The following NBAS variants were observed in gnomAD, a reference collection of about 807,000 sequenced individuals.
The protein encoded by NBAS is NAG/BC035112 fusion.
NBAS carries 219 observed loss-of-function variants against 302.5 expected under a neutral mutation model. The ratio of observed to expected loss-of-function variants is 0.72; its 90% CI spans 0.65 to 0.81. NBAS has a LOEUF of 0.81. Among genes scored for constraint, NBAS ranks in the 30% least tolerant of loss-of-function variants. The pLI is 0.00. For missense variants in NBAS, 2,932 were observed against 2,841.6 expected (o/e 1.03, Z -0.72); for synonymous variants, 1,118 against 1,021.6 (o/e 1.09, Z -1.80).
chr2:15,009,603 TACACAC>T, the NBAS span, among the ~76,000 whole-genome samples: 33,231 of 129,976 alleles, frequency 0.26, 4,930 homozygotes, highest in Non-Finnish European at 0.37. Flanking sequence ...TGCAACATCA[TACACAC>T]ACACACACAC....
intron 12 of NBAS, among the ~76,000 whole-genome samples, chr2:15,483,106 A>G (rs1680496673): frequency 6.6e-6 from 1 of 152,210 alleles, no homozygotes; most frequent in Non-Finnish European, 1.5e-5. Context: ...TTTTACCACT[A>G]AAATCTAAAT....
chr2:15,014,972 A>T, the NBAS span, among the ~76,000 whole-genome samples: 1 of 151,964 alleles, frequency 6.6e-6, no homozygotes, highest in Admixed American at 6.6e-5. Context: ...TACCACAGAA[A>T]TAGAAAGGAC....
chr2:14,827,617 CT>C, the NBAS span, among the ~76,000 whole-genome samples: 3 of 152,100 alleles, frequency 2.0e-5, no homozygotes, highest in Non-Finnish European at 2.9e-5. Context: ...ATTATTCAGC[CT>C]TAAAAAGAAG....
chr2:15,246,132 G>C (rs1019712415), intron 44 of NBAS, among the ~76,000 whole-genome samples: 13 of 152,146 alleles, frequency 8.5e-5, no homozygotes, highest in Non-Finnish European at 1.9e-4. Context: ...TGTCTCCTTA[G>C]ATTCCCATTT....
In NBAS at chr2:15,238,469, T is replaced by C. The variant is rs1667706830; in HGVS notation, c.5942A>G (p.Gln1981Arg). The C allele has an allele frequency of 3.7e-6, 6 of 1,613,926 alleles. No homozygotes were observed. Among genetic ancestry groups the C allele is most frequent in the East Asian group, 4.5e-5 (2 of 44,874 alleles). Reference protein sequence around the residue: ...SFILSLKNSEQETLQKYSHLY... With the variant: ...SFILSLKNSERETLQKYSHLY... ...ATATAGAAGTTCCCATTTCTTTACC[T>C]GCTCACTATTCTTCAGAGAAAGGAT... Residue 1981 changes from glutamine (Q) to arginine (R), a missense_variant and splice_region_variant, in exon 45 of 52, where the codon CAG (glutamine) becomes CGG (arginine). By Grantham distance (43) the Gln-to-Arg change is conservative (BLOSUM62 1). Transcript: ENST00000281513.
At chr2:15,534,823 A>G (rs1282000138) in intron 8 of NBAS, among the ~76,000 whole-genome samples, 182 bp from the exon 9 acceptor site, 1 of 152,226 alleles carries the variant, frequency 6.6e-6, no homozygotes, top group Non-Finnish European at 1.5e-5. Flanking sequence ...CTTGGTAAAA[A>G]GTGTAGTTTT....
intron 28 of NBAS, among the ~76,000 whole-genome samples, chr2:15,384,300 A>T (rs1180184196): frequency 1.3e-5 from 2 of 152,206 alleles, no homozygotes; most frequent in African/African-American, 4.8e-5. Context: ...TGAGCAAGTC[A>T]TTTAATATTC....
In NBAS at chr2:15,330,647, C is replaced by A; in HGVS notation, c.4298G>T (p.Ser1433Ile). The A allele has an allele frequency of 6.2e-7, 1 of 1,614,070 alleles. No individual in the cohort carries two copies. Among genetic ancestry groups the A allele is most frequent in the Non-Finnish European group, 8.5e-7 (1 of 1,179,956 alleles). ...TTTKAVLQAVSDGQWWKKSLT... is the reference protein window; with the variant it reads ...TTTKAVLQAVIDGQWWKKSLT... The stretch of plus-strand genomic sequence containing the variant: ...AGACTTCTTCCACCACTGCCCATCA[C>A]TGACGGCCTGCAGCACCGCTTTGGT... The change falls in exon 36 of 52, where the codon AGT becomes ATT. Residue 1433 changes from serine (S) to isoleucine (I), a missense_variant. Ser to Ile is a moderately radical substitution (Grantham distance 142). Transcript: ENST00000281513.
At chr2:15,493,944 G>C (rs1408372246) in intron 11 of NBAS, among the ~76,000 whole-genome samples, 1 of 150,398 alleles carries the variant, frequency 6.6e-6, no homozygotes, top group Non-Finnish European at 1.5e-5. Flanking sequence ...TCCTGCCTCA[G>C]CCTCCCACGT....
chr2:15,368,441 G>A (rs557413645), intron 31 of NBAS, among the ~76,000 whole-genome samples: 7 of 151,964 alleles, frequency 4.6e-5, no homozygotes, highest in South Asian at 2.1e-4. Flanking sequence ...CTTGTGATCC[G>A]CCCTCCTCGA....
intron 35 of NBAS, among the ~76,000 whole-genome samples, chr2:15,337,899 T>C (rs1030555250): frequency 2.6e-5 from 4 of 152,212 alleles, no homozygotes; most frequent in African/African-American, 4.8e-5. Flanking sequence ...TTTATATTCA[T>C]AGTGGCACAC....
chr2:15,251,813 T>C lies in NBAS; in HGVS notation c.5725-13127A>G, dbSNP rs535175634. 1.2e-4 allele frequency among the ~76,000 whole-genome samples: 18 copies of C among 152,282 alleles called. No homozygotes were observed. In the South Asian group the frequency reaches 2.9e-3, roughly 25 times the overall value. On this transcript the variant is annotated intron_variant, in intron 44 of 51. Transcript: ENST00000281513. ...AGCAAGGTCTTTATGATGTGTATCT[T>C]GTGCCGACTTCCTGTCTCATCCTAT...
At chr2:15,045,528 T>TA in the NBAS span, among the ~76,000 whole-genome samples, 1 of 152,164 alleles carries the variant, frequency 6.6e-6, no homozygotes, top group Admixed American at 6.5e-5. Flanking sequence ...TTTTTTAATT[T>TA]AAAAAAATGT....
chr2:15,338,960 T>C lies in NBAS; in HGVS notation c.4180-8195A>G, dbSNP rs191566736. Among the ~76,000 whole-genome samples, 11 of 152,078 alleles carry C rather than the reference T, an allele frequency of 7.2e-5. No homozygotes were observed. In the East Asian group the frequency reaches 1.7e-3, roughly 24 times the overall value. The stretch of plus-strand genomic sequence containing the variant: ...CCCCGGAGTTCAATGATGCAGTGAG[T>C]TGTAACTGCACCACACTGCACTCCA... On this transcript the variant is annotated intron_variant, in intron 35 of 51. Coordinates refer to ENST00000281513, the MANE Select transcript of NBAS (RefSeq NM_015909.4).
At chr2:14,849,532 C>T in the NBAS span, among the ~76,000 whole-genome samples, 1 of 151,574 alleles carries the variant, frequency 6.6e-6, no homozygotes, top group Non-Finnish European at 1.5e-5. Context: ...GAGAACTTCC[C>T]CAACCTAGCA....
At chr2:15,115,216 G>C in the NBAS span, among the ~76,000 whole-genome samples, 1 of 152,194 alleles carries the variant, frequency 6.6e-6, no homozygotes, top group East Asian at 1.9e-4. Context: ...TCCAGAATCA[G>C]AGAGACGCTG....
chr2:15,396,073 C>A (rs936384222), intron 27 of NBAS, among the ~76,000 whole-genome samples: 1 of 152,104 alleles, frequency 6.6e-6, no homozygotes, highest in Non-Finnish European at 1.5e-5. Flanking sequence ...TATGTGCCTA[C>A]TATGTAGGAG....
At chr2:15,031,642 G>A in the NBAS span, among the ~76,000 whole-genome samples, 3,880 of 152,266 alleles carry the variant, frequency 0.025, 129 homozygotes, top group East Asian at 0.11. Context: ...GAGGGGCTTC[G>A]GAACCATGAA....
Position 15,275,796 on chromosome 2 carries a change from T to C in NBAS, c.5412A>G (p.Thr1804=). 3 of 1,613,824 alleles carry C rather than the reference T, an allele frequency of 1.9e-6. No homozygotes were observed. The highest frequency in any genetic ancestry group is 2.2e-5 in the East Asian group (1 of 44,886). The part of the protein sequence containing the change: ...VASGLNYKKL[T]DENMSPLEAL... ...CTTCAAGAGGACTCATGTTTTCATC[T>C]GTCAGCTTTTTGTAATTAAGACCTA... The change falls in exon 44 of 52, where the codon ACA becomes ACG. Residue 1804 remains threonine, a synonymous_variant. Transcript: ENST00000281513.
Sources: gnomAD v4.1 joint callset for allele counts (sites outside exome capture counted in the v4.1 genomes callset) on GRCh38, gnomAD v4.1.1 for gene constraint, MANE v1.5 for transcripts, NCBI Gene and HGNC (gene_info 2026-07-23, HGNC 2026-07-21) for gene names.